Variants in DNAH14 observed in about 807,000 individuals in gnomAD.
DNAH14 encodes axonemal beta dynein heavy chain 14.
Under a neutral mutation model 520.9 loss-of-function variants are expected in DNAH14, and 478 were observed. The observed-to-expected ratio is 0.92, with a 90% confidence interval of 0.85 to 0.99. The LOEUF (loss-of-function observed/expected upper bound fraction) is 0.99, where lower values mean the gene tolerates loss of function less well. Among genes scored for constraint, DNAH14 ranks in the 50% least tolerant of loss-of-function variants. The probability of loss-of-function intolerance (pLI) is 0.00; values close to 1 mark genes in which losing one functional copy is unlikely to be tolerated. For synonymous variants in DNAH14, 1,581 were observed against 1,757.2 expected (o/e 0.90, Z 2.51); for missense variants, 4,831 against 5,234.5 (o/e 0.92, Z 2.38).
At chr1:225,130,668 T>G (rs2078303753) in intron 27 of DNAH14, among the ~76,000 whole-genome samples, 1 of 83,926 alleles carries the variant, frequency 1.2e-5, no homozygotes, top group Non-Finnish European at 2.1e-5. Flanking sequence ...TGGGGACTGT[T>G]GTGGGGTGGG....
intron 66 of DNAH14, among the ~76,000 whole-genome samples, chr1:225,335,172 T>C (rs906553501): frequency 3.4e-5 from 5 of 147,820 alleles, no homozygotes; most frequent in South Asian, 2.1e-4. Context: ...TGTGCATGTG[T>C]ACATGTGCGC....
intron 74 of DNAH14, 75 bp from the exon 75 acceptor site, chr1:225,360,606 A>C: frequency 7.6e-7 from 1 of 1,313,924 alleles, no homozygotes; most frequent in Non-Finnish European, 1.1e-6. Context: ...CTACTCAATA[A>C]ATGCTGGATT....
At chr1:224,944,214 T>C (rs1035552616) in intron 1 of DNAH14, among the ~76,000 whole-genome samples, 3 of 152,252 alleles carry the variant, frequency 2.0e-5, no homozygotes, top group Non-Finnish European at 4.4e-5. Flanking sequence ...GATAGTTAGC[T>C]CTTCTTGTTG....
At chr1:225,162,436 A>G (rs749068250) in intron 35 of DNAH14, among the ~76,000 whole-genome samples, 3 of 150,592 alleles carry the variant, frequency 2.0e-5, no homozygotes, top group Non-Finnish European at 4.5e-5. Context: ...TTGGGTTGCT[A>G]TAGCTCTGAG....
At chr1:225,072,946 C>T (rs1380307819) in intron 17 of DNAH14, among the ~76,000 whole-genome samples, 1 of 151,994 alleles carries the variant, frequency 6.6e-6, no homozygotes, top group East Asian at 1.9e-4. Context: ...GGCTGGAGAC[C>T]CTAATTTGGT....
intron 27 of DNAH14, among the ~76,000 whole-genome samples, chr1:225,132,465 T>C (rs1011989059): frequency 1.3e-5 from 2 of 152,020 alleles, no homozygotes; most frequent in African/African-American, 2.4e-5. Context: ...TGAGAAAATA[T>C]GGTGTTTGGT....
rs1467225340 is a variant in DNAH14, at chr1:225,346,080, A to G, written c.10797A>G (p.Ile3599Met). 1.3e-6 allele frequency: 2 copies of G among 1,551,722 alleles called. No individual in the cohort carries two copies. Among genetic ancestry groups the G allele is most frequent in the Non-Finnish European group, 8.7e-7 (1 of 1,146,986 alleles). Residue 3599 changes from isoleucine (I) to methionine (M), a missense_variant, in exon 70 of 86, where the codon ATA becomes ATG. By Grantham distance (10) the Ile-to-Met change is conservative. Transcript: ENST00000682510. ...TKKAESEIQA[I>M]RKNYLPIATR... ...AAGCTGAAAGTGAAATCCAAGCAAT[A>G]CGTAAAAACTATCTCCCCATTGCGA...
At chr1:224,947,542 G>A (rs1460728977) in intron 1 of DNAH14, among the ~76,000 whole-genome samples, 1 of 151,890 alleles carries the variant, frequency 6.6e-6, no homozygotes, top group Non-Finnish European at 1.5e-5. Flanking sequence ...CTTGATTGAG[G>A]TTTATTTTCT....
intron 38 of DNAH14, among the ~76,000 whole-genome samples, chr1:225,202,166 T>G (rs10915798): frequency 0.15 from 23,445 of 152,054 alleles, 2,122 homozygotes; most frequent in East Asian, 0.36. Flanking sequence ...GTGAGCCACC[T>G]CACCTGGCCC....
intron 38 of DNAH14, among the ~76,000 whole-genome samples, chr1:225,194,393 A>G (rs1364548729): frequency 6.6e-6 from 1 of 152,134 alleles, no homozygotes; most frequent in Non-Finnish European, 1.5e-5. Context: ...GACAAAGTTG[A>G]CAAAAAGTTG....
intron 37 of DNAH14, 65 bp from the exon 38 acceptor site, chr1:225,192,631 T>C: frequency 3.5e-6 from 4 of 1,150,714 alleles, no homozygotes; most frequent in Non-Finnish European, 4.9e-6. Flanking sequence ...ATAATAAGAA[T>C]GCAAATAAAC....
chr1:224,938,412 AC>A (rs1377018981), intron 1 of DNAH14, among the ~76,000 whole-genome samples: 1 of 152,012 alleles, frequency 6.6e-6, no homozygotes, highest in Non-Finnish European at 1.5e-5. Flanking sequence ...AAGAAGTCAT[AC>A]AAATGGCCAA....
intron 62 of DNAH14, 95 bp from the exon 63 acceptor site, chr1:225,324,127 A>T (rs1345720341): frequency 3.5e-6 from 5 of 1,435,738 alleles, no homozygotes; most frequent in Non-Finnish European, 4.7e-6. Flanking sequence ...GAATATTTTA[A>T]TATGAAATAA....
At chr1:225,213,966 G>C (rs1268600795) in intron 41 of DNAH14, among the ~76,000 whole-genome samples, 1 of 152,164 alleles carries the variant, frequency 6.6e-6, no homozygotes, top group African/African-American at 2.4e-5. Flanking sequence ...TGGTGACAGA[G>C]GGTATCCCTG....
intron 10 of DNAH14, among the ~76,000 whole-genome samples, chr1:225,014,849 G>A (rs147389837): frequency 6.6e-6 from 1 of 152,252 alleles, no homozygotes; most frequent in African/African-American, 2.4e-5. Flanking sequence ...TTGTTTCTTT[G>A]TTGGGCTTCT....
At chr1:225,391,197 C>T (rs1157070767) in intron 83 of DNAH14, among the ~76,000 whole-genome samples, 1 of 152,228 alleles carries the variant, frequency 6.6e-6, no homozygotes, top group Admixed American at 6.5e-5. Flanking sequence ...CATCCTGTGG[C>T]AGCAGAAACC....
intron 54 of DNAH14, among the ~76,000 whole-genome samples, chr1:225,284,906 T>C (rs1030089918): frequency 9.2e-5 from 14 of 152,112 alleles, no homozygotes; most frequent in African/African-American, 3.4e-4. Context: ...TCTCAGGAGA[T>C]GCAGAGAAGC....
chr1:225,353,851 C>T lies in DNAH14; in HGVS notation c.11582C>T (p.Pro3861Leu). ...GAAACGTGTAATCCTATAAATTTTCCCTGGGAGAAACTCACTTCATTTCAA... is the reference window on the plus strand; with the variant it reads ...GAAACGTGTAATCCTATAAATTTTCTCTGGGAGAAACTCACTTCATTTCAA... Reference protein sequence around the residue: ...NKETCNPINFPWEKLTSFQRL... With the variant: ...NKETCNPINFLWEKLTSFQRL... Residue 3861 changes from proline to leucine, a missense_variant, in exon 73 of 86, where the codon CCC becomes CTC. By Grantham distance (98) the Pro-to-Leu change is moderately conservative. Transcript: ENST00000682510. 6.6e-7 allele frequency: 1 copy of T among 1,518,096 alleles called. No individual in the cohort carries two copies. The highest frequency in any genetic ancestry group is 1.2e-5 in the South Asian group (1 of 81,386). The allele number at this position is 1,518,096 out of a possible 1,614,324, so 94.0% of individuals were successfully genotyped here. A position where few individuals can be genotyped will look rare whatever the true frequency, so the allele number is the denominator to read the frequency against.
At chr1:225,109,975 T>C (rs2076364415) in intron 23 of DNAH14, among the ~76,000 whole-genome samples, 1 of 152,242 alleles carries the variant, frequency 6.6e-6, no homozygotes, top group African/African-American at 2.4e-5. Context: ...GTTGATATGA[T>C]GTTTCACACT....
Sources: gnomAD v4.1 joint callset for allele counts (sites outside exome capture counted in the v4.1 genomes callset) on GRCh38, gnomAD v4.1.1 for gene constraint, MANE v1.5 for transcripts, NCBI Gene and HGNC (gene_info 2026-07-23, HGNC 2026-07-21) for gene names.